CLPTM1L: variants seen among roughly 807,000 people sequenced by gnomAD.
The protein encoded by CLPTM1L is lipid scramblase CLPTM1L.
In CLPTM1L, 38 loss-of-function variants were observed where a neutral mutation model predicts 70.9. That is an observed-to-expected ratio of 0.54 (90% CI 0.41 to 0.70). CLPTM1L has a LOEUF of 0.70. CLPTM1L is among the 30% of genes least tolerant of loss of function. CLPTM1L has a pLI of 0.00. For synonymous variants in CLPTM1L, 339 were observed against 299.9 expected (o/e 1.13, Z -1.35); for missense variants, 652 against 705.9 (o/e 0.92, Z 0.87).
intron 3 of CLPTM1L, among the ~76,000 whole-genome samples, chr5:1,339,491 G>A (rs366786): frequency 6.8e-4 from 77 of 112,454 alleles, no homozygotes; most frequent in African/African-American, 2.5e-3. Flanking sequence ...CCACACAGAC[G>A]GGCAAACTGT....
rs772052583 is a variant in CLPTM1L at position 1,334,278 on chromosome 5, G to T, written c.891+11C>A. On this transcript the variant is annotated intron_variant, in intron 7 of 16. Coordinates refer to ENST00000320895, the MANE Select transcript of CLPTM1L (RefSeq NM_030782.5). ...AAGTGCCTGCGGCAAGCCCCCCGGT[G>T]GATGACTCACATGGAACGCTGCGAC... 88 of 1,609,580 alleles carry T rather than the reference G, an allele frequency of 5.5e-5. No homozygotes were observed. The highest frequency in any genetic ancestry group is 7.4e-5 in the Non-Finnish European group (87 of 1,176,332).
At chr5:1,337,557 C>T (rs1753655415) in intron 5 of CLPTM1L, among the ~76,000 whole-genome samples, 1 of 152,252 alleles carries the variant, frequency 6.6e-6, no homozygotes, top group Admixed American at 6.5e-5. Context: ...ATCTACATGG[C>T]ACACCAGGAG....
intron 10 of CLPTM1L, 129 bp from the exon 11 acceptor site, chr5:1,324,942 T>G: frequency 1.3e-6 from 1 of 795,590 alleles, no homozygotes; most frequent in Non-Finnish European, 2.1e-6. Flanking sequence ...GGCGCTCAGG[T>G]CCCTACCAGG....
At chr5:1,331,728 C>T in intron 8 of CLPTM1L, 71 bp downstream of exon 8, 1 of 1,330,396 alleles carries the variant, frequency 7.5e-7, no homozygotes. Context: ...AGGCAGGCAG[C>T]CCTCTACCGC....
Position 1,322,928 on chromosome 5 carries a change from A to G in CLPTM1L, c.1281-17T>C, listed in dbSNP as rs1554045480. 2 of 1,612,342 alleles carry G rather than the reference A, an allele frequency of 1.2e-6. No individual in the cohort carries two copies. Among genetic ancestry groups the G allele is most frequent in the East Asian group, 2.2e-5 (1 of 44,878 alleles). On this transcript the variant is annotated splice_polypyrimidine_tract_variant and intron_variant, in intron 12 of 16. Coordinates refer to ENST00000320895, the MANE Select transcript of CLPTM1L (RefSeq NM_030782.5). ...GAGTACCAGCTGAAACGGAAAAAAA[A>G]GGAGAAGTCCTATTTCTCGCATAGC...
rs1441513528 is a variant in CLPTM1L, at chr5:1,344,786, T to A, written c.56A>T (p.Tyr19Phe). 6.2e-7 allele frequency: 1 copy of A among 1,605,088 alleles called. No individual in the cohort carries two copies. The highest frequency in any genetic ancestry group is 8.5e-7 in the Non-Finnish European group (1 of 1,176,848). The change falls in exon 1 of 17, where the codon TAC (tyrosine) becomes TTC (phenylalanine). Residue 19 changes from tyrosine (Y) to phenylalanine (F), a missense_variant. This residue lies in a region of CLPTM1L where 402 missense variants were observed against 388.2 expected (regional missense o/e 1.04). Coordinates refer to ENST00000320895, the MANE Select transcript of CLPTM1L (RefSeq NM_030782.5). The part of the protein sequence containing the change: ...TSLVVGVFVV[Y>F]VVHTCWVMYG... ...CATGACCCAGCAGGTGTGCACCACG[T>A]AGACCACGAACACGCCCACCACCAA...
chr5:1,324,107 T>C (rs1203878349), intron 11 of CLPTM1L: 2 of 551,696 alleles, frequency 3.6e-6, no homozygotes, highest in Non-Finnish European at 6.4e-6. Context: ...TAGTTAACAA[T>C]AATAGATCAA....
chr5:1,344,240 G>A (rs1579661254), intron 2 of CLPTM1L, 111 bp downstream of exon 2: 2 of 763,574 alleles, frequency 2.6e-6, no homozygotes, highest in East Asian at 2.7e-5. Context: ...AAGACATTCG[G>A]TAAGACTAGT....
intron 12 of CLPTM1L, 39 bp from the exon 13 acceptor site, chr5:1,322,950 T>C: frequency 1.3e-6 from 2 of 1,564,572 alleles, no homozygotes; most frequent in Non-Finnish European, 8.8e-7. Flanking sequence ...ATTTCTCGCA[T>C]AGCTTAATAT....
At chr5:1,334,786 A>ACAAAC (rs1561246247) in intron 6 of CLPTM1L, among the ~76,000 whole-genome samples, 1 of 140,694 alleles carries the variant, frequency 7.1e-6, no homozygotes, top group Non-Finnish European at 1.6e-5. Flanking sequence ...AACAAACAAT[A>ACAAAC]AAAATAAATC....
rs550237283 is a variant in CLPTM1L, at chr5:1,327,423, C to T, written c.1081-1607G>A. ...CACATTCCATCCAGCTCCTCCTCTA[C>T]AGACATATTTCATCCAGCTCCTCCT... On this transcript the variant is annotated intron_variant, in intron 9 of 16. Coordinates refer to ENST00000320895, the MANE Select transcript of CLPTM1L (RefSeq NM_030782.5). Among the ~76,000 whole-genome samples, 874 of 146,658 alleles carry T rather than the reference C, an allele frequency of 6.0e-3. 9 individuals carry two copies. The highest frequency in any genetic ancestry group is 0.02 in the African/African-American group (805 of 39,344).
chr5:1,325,804 T>C lies in CLPTM1L; in HGVS notation c.1093A>G (p.Lys365Glu). The C allele has an allele frequency of 6.2e-7, 1 of 1,613,904 alleles. No homozygotes were observed. Among genetic ancestry groups the C allele is most frequent in the Non-Finnish European group, 8.5e-7 (1 of 1,179,866 alleles). ...AAAATAGTCATCTTCAATGCCTTCT[T>C]CACTTTCCACAGCTGAGGGGAGAAA... Reference protein sequence around the residue: ...VGAAIELWKVKKALKMTIFWR... With the variant: ...VGAAIELWKVEKALKMTIFWR... Residue 365 changes from lysine to glutamate, a missense_variant, in exon 10 of 17, where the codon AAG becomes GAG. Lys to Glu is a moderately conservative substitution (Grantham distance 56). This residue lies in a region of CLPTM1L where 240 missense variants were observed against 295.0 expected (regional missense o/e 0.81). Transcript: ENST00000320895.
At chr5:1,338,258 G>C in intron 4 of CLPTM1L, 1 of 525,426 alleles carries the variant, frequency 1.9e-6, no homozygotes, top group South Asian at 2.0e-5. Flanking sequence ...ACAGGGACAC[G>C]GCCGTACAGC....
chr5:1,339,095 G>T, intron 3 of CLPTM1L, 90 bp from the exon 4 acceptor site: 1 of 1,445,972 alleles, frequency 6.9e-7, no homozygotes. Context: ...GAACAGAACG[G>T]CCACACAGAC....
chr5:1,344,502 GCACT>G, intron 1 of CLPTM1L, 51 bp from the exon 2 acceptor site: 1 of 1,542,476 alleles, frequency 6.5e-7, no homozygotes, highest in South Asian at 1.1e-5. Context: ...CTGGCAGGAC[GCACT>G]CAAATCCCAC....
intron 4 of CLPTM1L, chr5:1,338,272 A>G: frequency 2.1e-6 from 1 of 485,874 alleles, no homozygotes; most frequent in South Asian, 2.2e-5. Flanking sequence ...GTACAGCAGA[A>G]CCCAGGGCCC....
intron 3 of CLPTM1L, among the ~76,000 whole-genome samples, chr5:1,341,371 C>G (rs1033525145): frequency 6.6e-6 from 1 of 152,208 alleles, no homozygotes; most frequent in Non-Finnish European, 1.5e-5. Context: ...AGCGCTCCAT[C>G]CCACCAGGTG....
At chr5:1,343,522 T>C (rs1453186053) in intron 2 of CLPTM1L, among the ~76,000 whole-genome samples, 2 of 152,250 alleles carry the variant, frequency 1.3e-5, no homozygotes, top group African/African-American at 4.8e-5. Flanking sequence ...CCAGTGCAGA[T>C]GAATCCTGAG....
chr5:1,319,009 G>A (rs897662759), intron 16 of CLPTM1L, among the ~76,000 whole-genome samples: 1 of 152,188 alleles, frequency 6.6e-6, no homozygotes, highest in Non-Finnish European at 1.5e-5. Flanking sequence ...CCCACCAAGG[G>A]CCCTGTGATC....
Sources: gnomAD v4.1 joint callset for allele counts (sites outside exome capture counted in the v4.1 genomes callset) on GRCh38, gnomAD v4.1.1 for gene constraint, gnomAD v4.1.1 regional missense constraint, MANE v1.5 for transcripts, NCBI Gene and HGNC (gene_info 2026-07-23, HGNC 2026-07-21) for gene names.